PCDHGA12: variants seen among roughly 807,000 people sequenced by gnomAD.
PCDHGA12 encodes the protein protocadherin gamma subfamily A, 12, also known as protocadherin gamma-A12.
In PCDHGA12, 43 loss-of-function variants were observed where a neutral mutation model predicts 61.1. That is an observed-to-expected ratio of 0.70 (90% confidence interval 0.55 to 0.91). The LOEUF is 0.91. Among genes scored for constraint, PCDHGA12 ranks in the 40% least tolerant of loss-of-function variants. The pLI is 0.00. For missense variants in PCDHGA12, 1,236 were observed against 1,227.7 expected (o/e 1.01, Z -0.10); for synonymous variants, 520 against 542.9 (o/e 0.96, Z 0.59).
In PCDHGA12 at chr5:141,430,809, G is replaced by T. The variant is rs949727881; in HGVS notation, c.50G>T (p.Gly17Val). Residue 17 changes from glycine (G) to valine (V), a missense_variant, in exon 1 of 4, where the codon GGA becomes GTA. By Grantham distance (109) the Gly-to-Val change is moderately radical. Coordinates refer to ENST00000252085, the MANE Select transcript of PCDHGA12 (RefSeq NM_003735.3). ...GACTACAAAGGGCTTGTCCTGCTGG[G>T]AATCCTCCTGGGGACTCTGTGGGAG... ...HRDYKGLVLL[G>V]ILLGTLWETG... The T allele has an allele frequency of 2.0e-6, 3 of 1,526,896 alleles. No homozygotes were observed. Among genetic ancestry groups the T allele is most frequent in the Non-Finnish European group, 2.6e-6 (3 of 1,140,420 alleles). 94.6% of individuals were successfully genotyped at this position (1,526,896 alleles called of 1,614,324 possible). A position where few individuals can be genotyped will look rare whatever the true frequency, so the allele number is the denominator to read the frequency against.
intron 1 of PCDHGA12, among the ~76,000 whole-genome samples, chr5:141,437,426 C>T (rs531265278): frequency 6.6e-6 from 1 of 152,268 alleles, no homozygotes; most frequent in South Asian, 2.1e-4. Flanking sequence ...CTTTTTGAAG[C>T]AGCAATAGCA....
In PCDHGA12 at chr5:141,432,249, A is replaced by G; in HGVS notation, c.1490A>G (p.Gln497Arg). The G allele has an allele frequency of 6.2e-7, 1 of 1,614,206 alleles. No individual in the cohort carries two copies. Among genetic ancestry groups the G allele is most frequent in the Non-Finnish European group, 8.5e-7 (1 of 1,180,044 alleles). Residue 497 changes from glutamine to arginine, a missense_variant, in exon 1 of 4, where the codon CAA becomes CGA. Coordinates refer to ENST00000252085, the MANE Select transcript of PCDHGA12 (RefSeq NM_003735.3). The surrounding 1 kb of genome is among the most constrained non-coding windows in gnomAD (Gnocchi z 6.0). ...TATTCCCTGGCTGAGAACACCATCC[A>G]AGGGGCAAGCCTATCGTCCTACGTG... Reference protein sequence around the residue: ...ITYSLAENTIQGASLSSYVSI... With the variant: ...ITYSLAENTIRGASLSSYVSI...
chr5:141,506,896 T>C (rs1417106112), intron 3 of PCDHGA12, among the ~76,000 whole-genome samples: 3 of 152,158 alleles, frequency 2.0e-5, no homozygotes, highest in African/African-American at 7.2e-5. Flanking sequence ...CAAGAAGCAC[T>C]GTCATCACAC....
rs1245526846 is a variant in PCDHGA12, at chr5:141,512,505, C to T, written c.*1332C>T. ...GCCACTGCCCAGGTCCCCAGTGCGCCCCCTAGTGGCCATAGCCTGGTTAAA... is the reference window on the plus strand; with the variant it reads ...GCCACTGCCCAGGTCCCCAGTGCGCTCCCTAGTGGCCATAGCCTGGTTAAA... On this transcript the variant is annotated 3_prime_UTR_variant, in exon 4 of 4. Transcript: ENST00000252085. The T allele has an allele frequency of 1.3e-5, 2 of 152,888 alleles. No individual in the cohort carries two copies. The highest frequency in any genetic ancestry group is 4.8e-5 in the African/African-American group (2 of 41,466). 9.5% of individuals were successfully genotyped at this position (152,888 alleles called of 1,614,324 possible). A position where few individuals can be genotyped will look rare whatever the true frequency, so the allele number is the denominator to read the frequency against.
rs112731052 is a variant in PCDHGA12 at position 141,457,109 on chromosome 5, A to G, written c.2424+23926A>G. ...TATAAGGATACTAATTAAGCAAAAT[A>G]CGACAGCAATGGAAACTCTGTCCAA... is the stretch of plus-strand genomic sequence containing the variant. On this transcript the variant is annotated intron_variant, in intron 1 of 3. Coordinates refer to ENST00000252085, the MANE Select transcript of PCDHGA12 (RefSeq NM_003735.3). 8.3e-3 allele frequency among the ~76,000 whole-genome samples: 1,258 copies of G among 152,360 alleles called. 17 individuals are homozygous for G. Among genetic ancestry groups the G allele is most frequent in the African/African-American group, 0.029 (1,195 of 41,578 alleles).
intron 1 of PCDHGA12, among the ~76,000 whole-genome samples, chr5:141,470,714 T>C (rs1416956410): frequency 1.3e-5 from 2 of 152,152 alleles, no homozygotes; most frequent in Non-Finnish European, 2.9e-5. Context: ...TTTTATTTTT[T>C]TGAGTCAGGG....
At chr5:141,465,983 A>G (rs1219092160) in intron 1 of PCDHGA12, among the ~76,000 whole-genome samples, 1 of 151,944 alleles carries the variant, frequency 6.6e-6, no homozygotes, top group East Asian at 1.9e-4. Context: ...TTAGCCGGGC[A>G]TGGTGGCAGG....
At chr5:141,480,956 C>G (rs2099528870) in intron 1 of PCDHGA12, among the ~76,000 whole-genome samples, 1 of 152,064 alleles carries the variant, frequency 6.6e-6, no homozygotes, top group South Asian at 2.1e-4. Flanking sequence ...GAGGCGGAAG[C>G]ATCAGTGAGG....
At chr5:141,438,630 A>T (rs1232206839) in intron 1 of PCDHGA12, among the ~76,000 whole-genome samples, 1 of 38,920 alleles carries the variant, frequency 2.6e-5, no homozygotes, top group East Asian at 8.1e-4. Context: ...ATATATATAT[A>T]TATATACACA....
chr5:141,510,944 C>T lies in PCDHGA12; in HGVS notation c.2573-3C>T, dbSNP rs772921698. 2 of 1,614,120 alleles carry T rather than the reference C, an allele frequency of 1.2e-6. No individual in the cohort carries two copies. Among genetic ancestry groups the T allele is most frequent in the South Asian group, 2.2e-5 (2 of 91,080 alleles). On this transcript the variant is annotated splice_region_variant and splice_polypyrimidine_tract_variant and intron_variant, in intron 3 of 3. Transcript: ENST00000252085. Reference sequence around the variant, plus strand: ...CCCACCTGATCTTCCTCTGTCTCTGCAGAAGCTGCTGATGGGAGCTCCACC... The same window carrying T: ...CCCACCTGATCTTCCTCTGTCTCTGTAGAAGCTGCTGATGGGAGCTCCACC...
chr5:141,478,372 G>A (rs778468803), intron 1 of PCDHGA12: 2 of 1,613,704 alleles, frequency 1.2e-6, no homozygotes, highest in Non-Finnish European at 8.5e-7. Flanking sequence ...GAGGCCTGAT[G>A]TCGCCGCACC....
intron 2 of PCDHGA12, among the ~76,000 whole-genome samples, chr5:141,504,859 C>T (rs1396681670): frequency 6.6e-6 from 1 of 152,090 alleles, no homozygotes; most frequent in African/African-American, 2.4e-5. Context: ...TCTTCCATTT[C>T]CCACCTTCAC....
chr5:141,459,025 A>C (rs2098959135), intron 1 of PCDHGA12, among the ~76,000 whole-genome samples: 1 of 152,336 alleles, frequency 6.6e-6, no homozygotes, highest in Non-Finnish European at 1.5e-5. Flanking sequence ...GAGCCACCAC[A>C]TCCAGCCTTA....
rs752155536 is a variant in PCDHGA12, at chr5:141,477,181, C to T, written c.2425-17626C>T. The T allele has an allele frequency of 2.5e-6, 4 of 1,614,182 alleles. No individual in the cohort carries two copies. In the Admixed American group the frequency reaches 6.7e-5, roughly 27 times the overall value. ...ACAACGCCCCGGAGATCACAGTCACCTCCGTGTACAGCCCAGTACCCGAGG... is the reference window on the plus strand; with the variant it reads ...ACAACGCCCCGGAGATCACAGTCACTTCCGTGTACAGCCCAGTACCCGAGG... On this transcript the variant is annotated intron_variant, in intron 1 of 3. Transcript: ENST00000252085. This position sits in a 1 kb window ranked among gnomAD's most constrained non-coding sequence, Gnocchi z 4.9.
chr5:141,500,641 TA>T (rs1306300025), intron 2 of PCDHGA12, among the ~76,000 whole-genome samples: 4 of 152,346 alleles, frequency 2.6e-5, no homozygotes, highest in Middle Eastern at 3.4e-3. Flanking sequence ...ACTAGTTTTT[TA>T]AAAATAGCAA....
At chr5:141,484,950 T>G in intron 1 of PCDHGA12, 1 of 561,950 alleles carries the variant, frequency 1.8e-6, no homozygotes, top group Non-Finnish European at 3.2e-6. Context: ...GCTCAGCCTA[T>G]TGGCTGAGCC....
chr5:141,502,098 G>T (rs1341016516), intron 2 of PCDHGA12, among the ~76,000 whole-genome samples: 2 of 152,108 alleles, frequency 1.3e-5, no homozygotes, highest in Non-Finnish European at 2.9e-5. Flanking sequence ...ACCTGGCCTT[G>T]ACCCTGCACC....
chr5:141,504,705 T>C (rs960774850), intron 2 of PCDHGA12, among the ~76,000 whole-genome samples: 19 of 151,608 alleles, frequency 1.3e-4, no homozygotes, highest in Middle Eastern at 3.4e-3. Flanking sequence ...GGTTCTTCTA[T>C]GGCCGTGGAT....
Position 141,491,722 on chromosome 5 carries a change from C to G in PCDHGA12, c.2425-3085C>G, listed in dbSNP as rs1276921909. ...CCAGGTGAGGGGCTCGGCGCCGCCC[C>G]GGGCGACCCCTGGGGGCGGCACTGG... On this transcript the variant is annotated intron_variant, in intron 1 of 3. Transcript: ENST00000252085. This position sits in a 1 kb window ranked among gnomAD's most constrained non-coding sequence, Gnocchi z 6.9. 2 of 1,607,004 alleles carry G rather than the reference C, an allele frequency of 1.2e-6. No homozygotes were observed. The highest frequency in any genetic ancestry group is 1.7e-5 in the Admixed American group (1 of 58,788).
Sources: allele counts gnomAD v4.1 joint callset (sites outside exome capture counted in the v4.1 genomes callset), GRCh38; gene constraint gnomAD v4.1.1; non-coding constraint Gnocchi (gnomAD v3.1); transcripts MANE v1.5; gene names NCBI Gene and HGNC (gene_info 2026-07-23, HGNC 2026-07-21).